ZMAT4: variants seen among roughly 807,000 people sequenced by gnomAD.
The protein encoded by ZMAT4 is zinc finger matrin-type protein 4.
Under a neutral mutation model 28.7 loss-of-function variants are expected in ZMAT4, and 17 were observed. That is an observed-to-expected ratio of 0.59 (90% CI 0.41 to 0.89). ZMAT4 has a LOEUF of 0.89. Ranked by LOEUF, ZMAT4 falls within the 40% of genes least tolerant of loss-of-function variation. The probability of loss-of-function intolerance (pLI) is 0.00; values close to 1 mark genes in which losing one functional copy is unlikely to be tolerated. For missense variants in ZMAT4, 240 were observed against 283.8 expected (o/e 0.85, Z 1.11); for synonymous variants, 117 against 109.2 (o/e 1.07, Z -0.44).
chr8:40,537,567 A>G (rs1176719475), intron 6 of ZMAT4, among the ~76,000 whole-genome samples: 2 of 152,220 alleles, frequency 1.3e-5, no homozygotes, highest in African/African-American at 2.4e-5. Flanking sequence ...CTCTGCTTAT[A>G]TAGAATTTGC....
rs137983074 is a variant in ZMAT4 at position 40,786,688 on chromosome 8, C to T, written c.103-18958G>A. 80 of 1,287,928 alleles carry T rather than the reference C, an allele frequency of 6.2e-5. No homozygotes were observed. In the Admixed American group the frequency reaches 1.2e-3, roughly 20 times the overall value. The allele number at this position is 1,287,928 out of a possible 1,614,324, so 79.8% of individuals were successfully genotyped here. On this transcript the variant is annotated intron_variant, in intron 2 of 6. Transcript: ENST00000297737. ...TTCAGTCCTTGTGCCTCCCAACTTACGGGTCAGAATTCACACAGCCACCTT... is the reference window on the plus strand; with the variant it reads ...TTCAGTCCTTGTGCCTCCCAACTTATGGGTCAGAATTCACACAGCCACCTT...
intron 3 of ZMAT4, among the ~76,000 whole-genome samples, chr8:40,754,029 G>A (rs1812567013): frequency 6.6e-6 from 1 of 151,980 alleles, no homozygotes; most frequent in Non-Finnish European, 1.5e-5. Flanking sequence ...AAAATTAGCT[G>A]GGCATGGTGG....
intron 5 of ZMAT4, among the ~76,000 whole-genome samples, chr8:40,634,168 G>C (rs1247592790): frequency 2.6e-5 from 4 of 152,248 alleles, no homozygotes; most frequent in South Asian, 2.1e-4. Context: ...CAAAACAAAA[G>C]GTATGGGCAA....
At chr8:40,580,334 G>A (rs2589934) in intron 6 of ZMAT4, among the ~76,000 whole-genome samples, 99,672 of 151,992 alleles carry the variant, frequency 0.66, 33,051 homozygotes, top group African/African-American at 0.76. Flanking sequence ...CTTCCCTAGT[G>A]CACAGCTTGG....
chr8:40,558,137 GT>G (rs1478173852), intron 6 of ZMAT4, among the ~76,000 whole-genome samples: 1 of 152,148 alleles, frequency 6.6e-6, no homozygotes, highest in African/African-American at 2.4e-5. Flanking sequence ...GCTGCCATGG[GT>G]GTGGTGGGGA....
At chr8:40,569,458 T>G (rs1804023895) in intron 6 of ZMAT4, among the ~76,000 whole-genome samples, 1 of 152,152 alleles carries the variant, frequency 6.6e-6, no homozygotes, top group South Asian at 2.1e-4. Context: ...TTTGGTGAAA[T>G]GTATGAGAAG....
chr8:40,884,054 G>A (rs966983095), intron 1 of ZMAT4, among the ~76,000 whole-genome samples: 13 of 152,096 alleles, frequency 8.5e-5, no homozygotes, highest in Non-Finnish European at 1.5e-4. Context: ...CATCCCTCTC[G>A]CTCTGTGTGC....
At chr8:40,834,537 T>C (rs149186106) in intron 1 of ZMAT4, among the ~76,000 whole-genome samples, 2 of 152,290 alleles carry the variant, frequency 1.3e-5, no homozygotes, top group African/African-American at 4.8e-5. Flanking sequence ...AACGAATTTT[T>C]ACTGAGCATT....
intron 1 of ZMAT4, among the ~76,000 whole-genome samples, chr8:40,834,821 G>C (rs1210080972): frequency 1.3e-5 from 2 of 152,194 alleles, no homozygotes; most frequent in Admixed American, 6.5e-5. Flanking sequence ...CACCTAACAG[G>C]GAGACCAGGG....
chr8:40,675,887 C>G (rs1022405136), intron 4 of ZMAT4, among the ~76,000 whole-genome samples: 3 of 152,090 alleles, frequency 2.0e-5, no homozygotes, highest in Non-Finnish European at 4.4e-5. Flanking sequence ...CTTATCTAAA[C>G]AGAATAGACA....
At chr8:40,590,116 C>T (rs1358933405) in intron 5 of ZMAT4, among the ~76,000 whole-genome samples, 1 of 151,134 alleles carries the variant, frequency 6.6e-6, no homozygotes, top group African/African-American at 2.4e-5. Context: ...AACTCCAGGG[C>T]TCAAGCATGA....
intron 1 of ZMAT4, among the ~76,000 whole-genome samples, chr8:40,890,190 T>A (rs552859894): frequency 6.6e-6 from 1 of 152,328 alleles, no homozygotes; most frequent in South Asian, 2.1e-4. Flanking sequence ...TTAAAAACAC[T>A]TTTTGAAAAA....
chr8:40,587,479 G>A (rs1804707879), intron 5 of ZMAT4, among the ~76,000 whole-genome samples: 1 of 152,140 alleles, frequency 6.6e-6, no homozygotes. Context: ...TAAAATCTAT[G>A]ACAATAGCAG....
At chr8:40,754,540 AT>A (rs199953341) in intron 3 of ZMAT4, among the ~76,000 whole-genome samples, 19 of 152,152 alleles carry the variant, frequency 1.2e-4, no homozygotes, top group Admixed American at 2.6e-4. Context: ...GAGTTCTACT[AT>A]TTTTTTTCAT....
At chr8:40,767,029 G>A (rs1813186186) in intron 3 of ZMAT4, among the ~76,000 whole-genome samples, 1 of 152,158 alleles carries the variant, frequency 6.6e-6, no homozygotes, top group African/African-American at 2.4e-5. Flanking sequence ...AACCCCTGCT[G>A]GGAGGAAGGA....
At chr8:40,735,388 G>A (rs774791535) in intron 3 of ZMAT4, among the ~76,000 whole-genome samples, 3 of 152,194 alleles carry the variant, frequency 2.0e-5, no homozygotes, top group Admixed American at 6.5e-5. Flanking sequence ...TGTTCTATAC[G>A]TTTTGTAAGG....
chr8:40,666,676 T>C (rs1808427771), intron 5 of ZMAT4, among the ~76,000 whole-genome samples: 1 of 152,030 alleles, frequency 6.6e-6, no homozygotes, highest in Non-Finnish European at 1.5e-5. Flanking sequence ...CACATAAAAA[T>C]AAAACACACA....
chr8:40,882,704 A>T (rs1029121697), intron 1 of ZMAT4, among the ~76,000 whole-genome samples: 1 of 152,134 alleles, frequency 6.6e-6, no homozygotes, highest in African/African-American at 2.4e-5. Flanking sequence ...CCTGCACTCC[A>T]TCTAATCCCC....
intron 1 of ZMAT4, among the ~76,000 whole-genome samples, chr8:40,881,589 A>G (rs900009053): frequency 8.6e-5 from 9 of 104,626 alleles, no homozygotes; most frequent in Non-Finnish European, 1.0e-4. Context: ...AAAGAAAGAA[A>G]GAAAGAAAGA....
Sources: gnomAD v4.1 joint callset for allele counts (sites outside exome capture counted in the v4.1 genomes callset) on GRCh38, gnomAD v4.1.1 for gene constraint, MANE v1.5 for transcripts, NCBI Gene and HGNC (gene_info 2026-07-23, HGNC 2026-07-21) for gene names.